Variants in GUF1 observed in about 807,000 individuals in gnomAD.
The protein encoded by GUF1 is GTP binding elongation factor GUF1.
A neutral mutation model predicts 82.4 loss-of-function variants in GUF1; 78 were observed. The ratio of observed to expected loss-of-function variants is 0.95; its 90% CI spans 0.79 to 1.14. The LOEUF is 1.14. Ranked by LOEUF, GUF1 falls within the 50% of genes most tolerant of loss-of-function variation. GUF1 has a pLI of 0.00. For synonymous variants in GUF1, 279 were observed against 282.3 expected, an observed-to-expected ratio of 0.99 and a Z score of 0.12; for missense variants, 814 against 798.2, an observed-to-expected ratio of 1.02 and a Z score of -0.24.
intron 9 of GUF1, 120 bp from the exon 10 acceptor site, chr4:44,689,166 A>G (rs2109650759): frequency 4.4e-6 from 4 of 913,038 alleles, no homozygotes; most frequent in Non-Finnish European, 5.9e-6. Flanking sequence ...GGTCAATAAA[A>G]TACAAGAAAG....
rs772154625 is a variant in GUF1 at position 44,699,517 on chromosome 4, C to T, written c.*836C>T. 7 of 152,194 alleles carry T rather than the reference C, an allele frequency of 4.6e-5. No individual in the cohort carries two copies. Among genetic ancestry groups the T allele is most frequent in the African/African-American group, 9.7e-5 (4 of 41,436 alleles). 9.4% of individuals were successfully genotyped at this position (152,194 alleles called of 1,614,324 possible). On this transcript the variant is annotated 3_prime_UTR_variant, in exon 17 of 17. Coordinates refer to ENST00000281543, the MANE Select transcript of GUF1 (RefSeq NM_021927.3). ...TTAAAGTCACAATTTCCATGAATCT[C>T]AACAAGTGAGGACCTGCTATATTTT...
chr4:44,694,671 CTA>C (rs1240188923), intron 14 of GUF1, among the ~76,000 whole-genome samples, 158 bp downstream of exon 14: 1 of 152,104 alleles, frequency 6.6e-6, no homozygotes, highest in Non-Finnish European at 1.5e-5. Context: ...ACACTTCTCT[CTA>C]GACTGCTAAA....
In GUF1 at chr4:44,688,073, T is replaced by TA; in HGVS notation, c.1006dup (p.Thr336AsnfsTer6). 1 of 1,612,360 alleles carries TA rather than the reference T, an allele frequency of 6.2e-7. No individual in the cohort carries two copies. Among genetic ancestry groups the TA allele is most frequent in the Non-Finnish European group, 8.5e-7 (1 of 1,178,726 alleles). On this transcript the variant is annotated frameshift_variant, in exon 9 of 17. Transcript: ENST00000281543. LOFTEE classifies it high-confidence loss of function. ...ATGTCACTGAAGCGCAAATAGGAGA[T>TA]ACATTATGTTTACATAAGCAACCAG...
intron 12 of GUF1, among the ~76,000 whole-genome samples, 154 bp downstream of exon 12, chr4:44,691,014 T>G (rs1715405934): frequency 1.3e-5 from 2 of 151,696 alleles, no homozygotes; most frequent in Admixed American, 1.3e-4. Flanking sequence ...CACATAGATA[T>G]GTATACTTTT....
rs192367936 is a variant in GUF1, at chr4:44,700,255, G to T, written c.*1574G>T. ...TATTCCTAAATAAGACAGCCACAAAGATAAAATTTGCTCACAAGGGAATTC... is the reference window on the plus strand; with the variant it reads ...TATTCCTAAATAAGACAGCCACAAATATAAAATTTGCTCACAAGGGAATTC... On this transcript the variant is annotated 3_prime_UTR_variant, in exon 17 of 17. Transcript: ENST00000281543. The T allele has an allele frequency of 6.6e-6, 1 of 152,260 alleles. No homozygotes were observed. Among genetic ancestry groups the T allele is most frequent in the Admixed American group, 6.5e-5 (1 of 15,284 alleles). The allele number at this position is 152,260 out of a possible 1,614,324, so 9.4% of individuals were successfully genotyped here. A position where few individuals can be genotyped will look rare whatever the true frequency, so the allele number is the denominator to read the frequency against.
At position 44,686,649 on chromosome 4, in the gene GUF1, C is replaced by G; in HGVS notation, c.874C>G (p.Gln292Glu). The G allele has an allele frequency of 6.2e-7, 1 of 1,611,832 alleles. No individual in the cohort carries two copies. Among genetic ancestry groups the G allele is most frequent in the Non-Finnish European group, 8.5e-7 (1 of 1,178,382 alleles). The change falls in exon 8 of 17, where the codon CAA becomes GAA. Residue 292 changes from glutamine to glutamate, a missense_variant. Physicochemically the swap from Gln to Glu is conservative, Grantham distance 29. Transcript: ENST00000281543. ...KGDKIVSAHTQKTYEVNEVGV... is the reference protein window; with the variant it reads ...KGDKIVSAHTEKTYEVNEVGV... ...AGATAAAATTGTATCTGCACATACT[C>G]AAAAGACATACGAAGTTAATGAAGT... is the stretch of plus-strand genomic sequence containing the variant.
In GUF1 at chr4:44,690,667, A is replaced by G. The variant is rs757386121; in HGVS notation, c.1336-50A>G. 4.6e-6 allele frequency: 5 copies of G among 1,086,010 alleles called. No individual in the cohort carries two copies. In the Admixed American group the frequency reaches 1.2e-4, roughly 25 times the overall value. 67.3% of individuals were successfully genotyped at this position (1,086,010 alleles called of 1,614,324 possible). A position where few individuals can be genotyped will look rare whatever the true frequency, so the allele number is the denominator to read the frequency against. On this transcript the variant is annotated intron_variant, in intron 11 of 16. Transcript: ENST00000281543. ...AAATATAAGGCAAACAAGAAAAATG[A>G]TAATCATTATATTAAGATTTTAAGT...
chr4:44,697,101 G>T (rs1039838439), intron 15 of GUF1, among the ~76,000 whole-genome samples: 6 of 152,100 alleles, frequency 3.9e-5, no homozygotes, highest in African/African-American at 1.4e-4. Flanking sequence ...ATAACCTAAT[G>T]TATTTCTTGT....
chr4:44,678,533 C>A lies in GUF1; in HGVS notation c.-90C>A. ...CAGGATCTGTTTGAGTCCTGTCCAC[C>A]GGATCCTACGGGGGGTACCTTCGAA... On this transcript the variant is annotated 5_prime_UTR_variant, in exon 1 of 17. Coordinates refer to ENST00000281543, the MANE Select transcript of GUF1 (RefSeq NM_021927.3). 1 of 1,072,570 alleles carries A rather than the reference C, an allele frequency of 9.3e-7. No individual in the cohort carries two copies. 66.4% of individuals were successfully genotyped at this position (1,072,570 alleles called of 1,614,324 possible).
intron 1 of GUF1, among the ~76,000 whole-genome samples, chr4:44,680,202 A>C (rs924281461): frequency 2.0e-5 from 3 of 152,154 alleles, no homozygotes; most frequent in Non-Finnish European, 4.4e-5. Context: ...GGCCCTAAAA[A>C]TTGTGTAGAA....
chr4:44,679,897 G>C (rs767922764), intron 1 of GUF1, among the ~76,000 whole-genome samples: 1 of 152,118 alleles, frequency 6.6e-6, no homozygotes, highest in Non-Finnish European at 1.5e-5. Flanking sequence ...ATATTTTTAA[G>C]TTTTAAGTGA....
intron 2 of GUF1, 56 bp downstream of exon 2, chr4:44,680,608 TTTACTC>T: frequency 6.9e-7 from 1 of 1,444,928 alleles, no homozygotes; most frequent in Non-Finnish European, 9.4e-7. Context: ...GGGAATTACT[TTTACTC>T]TTAAATTTTA....
chr4:44,692,004 T>G (rs1560346950), intron 13 of GUF1, among the ~76,000 whole-genome samples: 1 of 151,824 alleles, frequency 6.6e-6, no homozygotes, highest in Non-Finnish European at 1.5e-5. Flanking sequence ...AAGTTTCCTT[T>G]GATTTATTAT....
Position 44,681,184 on chromosome 4 carries a change from T to C in GUF1, c.488T>C (p.Leu163Pro). The change falls in exon 4 of 17, where the codon CTT (leucine) becomes CCT (proline). Residue 163 changes from leucine (L) to proline (P), a missense_variant. Coordinates refer to ENST00000281543, the MANE Select transcript of GUF1 (RefSeq NM_021927.3). Reference sequence around the variant, plus strand: ...CTTTCTGCTTGCCAGGGTGTTTTACTTGTGGTTGATGCAAATGAGGTAGGT... The same window carrying C: ...CTTTCTGCTTGCCAGGGTGTTTTACCTGTGGTTGATGCAAATGAGGTAGGT... ...RSLSACQGVL[L>P]VVDANEGIQA... The C allele has an allele frequency of 6.2e-7, 1 of 1,612,388 alleles. No homozygotes were observed. Among genetic ancestry groups the C allele is most frequent in the South Asian group, 1.1e-5 (1 of 91,044 alleles).
At chr4:44,686,128 T>A in intron 7 of GUF1, 105 bp downstream of exon 7, 1 of 783,058 alleles carries the variant, frequency 1.3e-6, no homozygotes, top group Non-Finnish European at 2.1e-6. Flanking sequence ...TATTTTAGCT[T>A]AATGGATGTG....
At chr4:44,685,074 T>C (rs576039910) in intron 6 of GUF1, among the ~76,000 whole-genome samples, 7 of 152,204 alleles carry the variant, frequency 4.6e-5, no homozygotes, top group Admixed American at 3.9e-4. Context: ...TGGGAAAAGA[T>C]AGAAACAGAG....
intron 14 of GUF1, among the ~76,000 whole-genome samples, chr4:44,694,824 T>C (rs1715692736): frequency 6.6e-6 from 1 of 152,034 alleles, no homozygotes; most frequent in African/African-American, 2.4e-5. Context: ...TGTTTTTTTT[T>C]TAGATGGGAG....
chr4:44,695,195 A>AT (rs1186612813), intron 14 of GUF1, among the ~76,000 whole-genome samples: 1 of 152,176 alleles, frequency 6.6e-6, no homozygotes, highest in African/African-American at 2.4e-5. Context: ...CCATATTGTT[A>AT]TTTTCAGCCA....
At chr4:44,678,980 C>A (rs1403661918) in intron 1 of GUF1, among the ~76,000 whole-genome samples, 193 bp downstream of exon 1, 1 of 152,194 alleles carries the variant, frequency 6.6e-6, no homozygotes, top group African/African-American at 2.4e-5. Context: ...TGACCTTGGG[C>A]AAGTCACTAA....
Sources: gnomAD v4.1 joint callset for allele counts (sites outside exome capture counted in the v4.1 genomes callset) on GRCh38, gnomAD v4.1.1 for gene constraint, MANE v1.5 for transcripts, NCBI Gene and HGNC (gene_info 2026-07-23, HGNC 2026-07-21) for gene names.